Variants in CCDC91 observed in about 807,000 individuals in gnomAD.
CCDC91 encodes coiled-coil domain containing 91, also known as coiled-coil domain-containing protein 91.
CCDC91 carries 48 observed loss-of-function variants against 63.2 expected under a neutral mutation model. That is an observed-to-expected ratio of 0.76 (90% CI 0.60 to 0.97). The LOEUF (loss-of-function observed/expected upper bound fraction) is 0.97. Ranked by LOEUF, CCDC91 falls within the 50% of genes least tolerant of loss-of-function variation. The pLI, the probability that CCDC91 is intolerant of heterozygous loss-of-function variation, is 0.00. For missense variants in CCDC91, 500 were observed against 494.6 expected (o/e 1.01, Z -0.10); for synonymous variants, 167 against 165.8 (o/e 1.01, Z -0.06).
Position 28,245,069 on chromosome 12 carries a change from G to T in CCDC91, c.-14-12133G>T, listed in dbSNP as rs561617147. On this transcript the variant is annotated intron_variant, in intron 1 of 12. Coordinates refer to ENST00000536442, the MANE Select transcript of CCDC91 (RefSeq NM_018318.5). The stretch of plus-strand genomic sequence containing the variant: ...AGAAATTTTTGAGACATCTTTAGGG[G>T]TATTTATAGAATGTTATCAGTAGTC... Among the ~76,000 whole-genome samples, 6 of 152,042 alleles carry T rather than the reference G, an allele frequency of 3.9e-5. 1 individual carries two copies. The highest frequency in any genetic ancestry group is 1.4e-4 in the African/African-American group (6 of 41,474).
At chr12:28,208,567 A>T (rs1344798170) in intron 1 of CCDC91, among the ~76,000 whole-genome samples, 2 of 152,292 alleles carry the variant, frequency 1.3e-5, no homozygotes, top group African/African-American at 4.8e-5. Context: ...TTTAAAGGTG[A>T]AATTTGATTT....
chr12:28,490,977 A>G (rs1188240204), intron 12 of CCDC91, among the ~76,000 whole-genome samples: 1 of 151,824 alleles, frequency 6.6e-6, no homozygotes, highest in Non-Finnish European at 1.5e-5. Context: ...CAATGCTTAG[A>G]TTATATCCCA....
intron 1 of CCDC91, among the ~76,000 whole-genome samples, chr12:28,238,154 T>C (rs570230113): frequency 4.6e-5 from 7 of 152,190 alleles, no homozygotes; most frequent in African/African-American, 1.7e-4. Context: ...AAACAATTGG[T>C]AAAAATATGT....
rs140453649 is a variant in CCDC91, at chr12:28,250,830, T to C, written c.-14-6372T>C. 3.6e-3 allele frequency among the ~76,000 whole-genome samples: 545 copies of C among 152,204 alleles called. 4 individuals carry two copies. The highest frequency in any genetic ancestry group is 0.017 in the Middle Eastern group (5 of 294). On this transcript the variant is annotated intron_variant, in intron 1 of 12. Transcript: ENST00000536442. Reference sequence around the variant, plus strand: ...CCCCACACTACCTCCAGATTTCTTATATAAACTTAGGTAGACAGTTACATT... The same window carrying C: ...CCCCACACTACCTCCAGATTTCTTACATAAACTTAGGTAGACAGTTACATT...
At chr12:28,202,667 T>G (rs1350930672) in intron 1 of CCDC91, among the ~76,000 whole-genome samples, 1 of 152,248 alleles carries the variant, frequency 6.6e-6, no homozygotes, top group Non-Finnish European at 1.5e-5. Flanking sequence ...CTTTAGCTTT[T>G]AGTTCCCACT....
At chr12:28,538,094 ATTTTAGGGTTTTTTTAT>A (rs1210704853) in intron 12 of CCDC91, among the ~76,000 whole-genome samples, 1 of 142,720 alleles carries the variant, frequency 7.0e-6, no homozygotes, top group Non-Finnish European at 1.5e-5. Context: ...GTTTTTTTTA[ATTTTAGGGTTTTTTTAT>A]TTTTAGGGTT....
chr12:28,483,904 A>G, intron 11 of CCDC91, 148 bp from the exon 12 acceptor site: 1 of 487,166 alleles, frequency 2.1e-6, no homozygotes, highest in East Asian at 3.3e-5. Context: ...ATCGCAAAAG[A>G]TTCTGTAAGT....
intron 1 of CCDC91, among the ~76,000 whole-genome samples, chr12:28,239,139 A>T (rs1403109639): frequency 6.6e-6 from 1 of 151,686 alleles, no homozygotes; most frequent in African/African-American, 2.4e-5. Flanking sequence ...AAAAAAATAT[A>T]TGTGGCATCT....
chr12:28,342,173 C>T (rs1279069775), intron 6 of CCDC91, among the ~76,000 whole-genome samples: 4 of 152,042 alleles, frequency 2.6e-5, no homozygotes, highest in Non-Finnish European at 5.9e-5. Flanking sequence ...AAACTGTGTG[C>T]AAAGAACTGA....
At chr12:28,467,730 C>T (rs939062883) in intron 11 of CCDC91, among the ~76,000 whole-genome samples, 2 of 151,952 alleles carry the variant, frequency 1.3e-5, no homozygotes, top group African/African-American at 4.8e-5. Context: ...AGTTTTAAAA[C>T]ATTTTTAACA....
intron 1 of CCDC91, among the ~76,000 whole-genome samples, chr12:28,215,261 C>T (rs1403779080): frequency 6.6e-6 from 1 of 152,122 alleles, no homozygotes; most frequent in African/African-American, 2.4e-5. Context: ...ATTGATTCTC[C>T]TAGCTTTCCA....
chr12:28,458,351 TATAGTC>T (rs1487861051), intron 11 of CCDC91, among the ~76,000 whole-genome samples: 2 of 151,598 alleles, frequency 1.3e-5, no homozygotes. Context: ...TTTTTTCAGT[TATAGTC>T]ATTCAGTGAG....
intron 7 of CCDC91, among the ~76,000 whole-genome samples, chr12:28,375,852 CA>C (rs922955022): frequency 2.6e-5 from 4 of 151,878 alleles, no homozygotes; most frequent in African/African-American, 9.7e-5. Context: ...TGTTCTCCAT[CA>C]AAGATTACCA....
rs188836861 is a variant in CCDC91 at position 28,540,754 on chromosome 12, G to A, written c.1216-8309G>A. Among the ~76,000 whole-genome samples, 4 of 152,202 alleles carry A rather than the reference G, an allele frequency of 2.6e-5. No individual in the cohort carries two copies. In the East Asian group the frequency reaches 7.7e-4, roughly 29 times the overall value. ...AGTCTCGGCTGGACTGAGTGAGATT[G>A]GGCTATTAAAAGATTGTGGCTTCTG... On this transcript the variant is annotated intron_variant, in intron 12 of 12. Coordinates refer to ENST00000536442, the MANE Select transcript of CCDC91 (RefSeq NM_018318.5).
intron 3 of CCDC91, among the ~76,000 whole-genome samples, chr12:28,271,983 A>G (rs1947801596): frequency 6.6e-6 from 1 of 151,060 alleles, no homozygotes. Context: ...GGAAATACTT[A>G]TTCTTGTTAG....
intron 6 of CCDC91, among the ~76,000 whole-genome samples, chr12:28,340,863 T>A (rs1037226758): frequency 5.9e-5 from 9 of 152,178 alleles, no homozygotes; most frequent in African/African-American, 1.4e-4. Flanking sequence ...GGGCTTTCTG[T>A]ATCCCGAGGT....
intron 12 of CCDC91, among the ~76,000 whole-genome samples, chr12:28,513,557 A>G (rs1939605652): frequency 6.6e-6 from 1 of 151,892 alleles, no homozygotes; most frequent in South Asian, 2.1e-4. Context: ...AAAAAATCCA[A>G]AATTCGAAAC....
intron 6 of CCDC91, among the ~76,000 whole-genome samples, chr12:28,342,916 G>A (rs1942538589): frequency 1.3e-5 from 2 of 152,104 alleles, no homozygotes; most frequent in Admixed American, 1.3e-4. Context: ...GCTGAAGTTT[G>A]TAGACAGACA....
chr12:28,500,266 G>C (rs1952566273), intron 12 of CCDC91, among the ~76,000 whole-genome samples: 1 of 151,046 alleles, frequency 6.6e-6, no homozygotes, highest in Admixed American at 6.6e-5. Context: ...TGGATAGATT[G>C]CAAAAATTTT....
Sources: allele counts gnomAD v4.1 joint callset (sites outside exome capture counted in the v4.1 genomes callset), GRCh38; gene constraint gnomAD v4.1.1; transcripts MANE v1.5; gene names NCBI Gene and HGNC (gene_info 2026-07-23, HGNC 2026-07-21).